Variants in PPP6R2 observed in about 807,000 individuals in gnomAD.
PPP6R2 encodes the protein protein phosphatase 6 regulatory subunit 2.
A neutral mutation model predicts 100.2 loss-of-function variants in PPP6R2; 62 were observed. The ratio of observed to expected loss-of-function variants is 0.62; its 90% CI spans 0.50 to 0.76. The LOEUF (loss-of-function observed/expected upper bound fraction) is 0.76, where lower values mean the gene tolerates loss of function less well. Among genes scored for constraint, PPP6R2 ranks in the 30% least tolerant of loss-of-function variants. The pLI is 0.00. For synonymous variants in PPP6R2, 525 were observed against 514.7 expected (o/e 1.02, Z -0.27); for missense variants, 1,142 against 1,276.3 (o/e 0.89, Z 1.60).
chr22:50,438,351 A>T (rs1317835660), intron 18 of PPP6R2, 53 bp downstream of exon 18: 1 of 1,579,112 alleles, frequency 6.3e-7, no homozygotes, highest in South Asian at 1.2e-5. Context: ...TTCAGCCCCC[A>T]GAACACCTGT....
chr22:50,394,872 C>T (rs1273641178), intron 3 of PPP6R2, among the ~76,000 whole-genome samples: 1 of 145,722 alleles, frequency 6.9e-6, no homozygotes, highest in East Asian at 2.0e-4. Context: ...TGAGATCACA[C>T]CACTGCACTG....
chr22:50,385,828 T>TC (rs2054131305), intron 2 of PPP6R2, among the ~76,000 whole-genome samples: 1 of 126,770 alleles, frequency 7.9e-6, no homozygotes, highest in Non-Finnish European at 1.7e-5. Flanking sequence ...TTTTTTTTTT[T>TC]TTTTTTTTTT....
Position 50,373,243 on chromosome 22 carries a change from T to TC in PPP6R2, c.-17+1093_-17+1094insC, listed in dbSNP as rs1245956959. ...TTAGAATAAATATAATTTCTTTCTT[T>TC]TTTTTTTTTTTTTTTTGAGACAGAG... On this transcript the variant is annotated intron_variant, in intron 2 of 23. Coordinates refer to ENST00000612753, the MANE Select transcript of PPP6R2 (RefSeq NM_001242898.2). Among the ~76,000 whole-genome samples, 383 of 146,788 alleles carry TC rather than the reference T, an allele frequency of 2.6e-3. 2 individuals are homozygous for TC. The highest frequency in any genetic ancestry group is 0.018 in the Middle Eastern group (5 of 284).
chr22:50,351,939 G>C (rs757360284), intron 1 of PPP6R2, among the ~76,000 whole-genome samples: 17 of 152,252 alleles, frequency 1.1e-4, no homozygotes, highest in South Asian at 8.3e-4. Context: ...GACTACAGGT[G>C]CACACCACCA....
At chr22:50,396,971 G>T (rs936296926) in intron 3 of PPP6R2, among the ~76,000 whole-genome samples, 2 of 152,186 alleles carry the variant, frequency 1.3e-5, no homozygotes, top group African/African-American at 4.8e-5. Flanking sequence ...ATGTGGCCCA[G>T]TCTGGTGACA....
At chr22:50,360,133 A>T (rs1337473505) in intron 1 of PPP6R2, among the ~76,000 whole-genome samples, 1 of 150,998 alleles carries the variant, frequency 6.6e-6, no homozygotes, top group African/African-American at 2.4e-5. Flanking sequence ...GCTCACTGCA[A>T]CCTCCATCTC....
upstream of PPP6R2, among the ~76,000 whole-genome samples, chr22:50,339,194 T>G (rs1241397468): frequency 6.2e-5 from 9 of 146,086 alleles, no homozygotes; most frequent in Non-Finnish European, 6.0e-5. Flanking sequence ...GTATGTAGTG[T>G]GTGTTGTATG....
chr22:50,436,329 G>T, intron 13 of PPP6R2, 38 bp from the exon 14 acceptor site: 1 of 1,544,574 alleles, frequency 6.5e-7, no homozygotes, highest in Non-Finnish European at 8.8e-7. Flanking sequence ...ATCTGCACGG[G>T]GTCTCCCAGG....
intron 2 of PPP6R2, chr22:50,393,611 G>C (rs888478520): frequency 4.6e-5 from 44 of 958,678 alleles, no homozygotes; most frequent in Non-Finnish European, 2.5e-6. Flanking sequence ...TGGAGCTGGG[G>C]GTGCAGCCTC....
chr22:50,370,779 G>A (rs1010043162), intron 1 of PPP6R2, among the ~76,000 whole-genome samples: 3 of 151,582 alleles, frequency 2.0e-5, no homozygotes, highest in East Asian at 1.9e-4. Context: ...GATTACAGGC[G>A]CCTGCCATTG....
chr22:50,364,541 TTAAAAA>T (rs1405270907), intron 1 of PPP6R2, among the ~76,000 whole-genome samples: 3 of 152,258 alleles, frequency 2.0e-5, no homozygotes, highest in Non-Finnish European at 2.9e-5. Context: ...AATTTCATAA[TTAAAAA>T]TAAAAATATT....
At chr22:50,382,279 T>C (rs1475677197) in intron 2 of PPP6R2, among the ~76,000 whole-genome samples, 2 of 152,054 alleles carry the variant, frequency 1.3e-5, no homozygotes, top group East Asian at 3.9e-4. Context: ...AGCTTTAAAG[T>C]CAATAATCTT....
the PPP6R2 span, among the ~76,000 whole-genome samples, chr22:50,332,773 A>G: frequency 0.46 from 69,066 of 150,906 alleles, 16,902 homozygotes; most frequent in African/African-American, 0.64. Flanking sequence ...ACAGGCACGC[A>G]CCACCACGCC....
intron 1 of PPP6R2, among the ~76,000 whole-genome samples, chr22:50,348,297 C>T (rs2044222795): frequency 6.6e-6 from 1 of 152,050 alleles, no homozygotes; most frequent in African/African-American, 2.4e-5. Context: ...ACGTGGACAG[C>T]AGGTGGGGGT....
rs183489995 is a variant in PPP6R2, at chr22:50,377,021, C to T, written c.-17+4871C>T. The stretch of plus-strand genomic sequence containing the variant: ...CAGCCTGGGCAACAGAGCGAGACTC[C>T]GTCTCAAAAAAATAAAAAATAAAAA... On this transcript the variant is annotated intron_variant, in intron 2 of 23. Transcript: ENST00000612753. Among the ~76,000 whole-genome samples the T allele has an allele frequency of 8.0e-5, 12 of 150,472 alleles. No individual in the cohort carries two copies. The East Asian group carries it at 1.4e-3, about 17-fold the overall frequency.
chr22:50,418,569 G>A (rs2060867623), intron 6 of PPP6R2, among the ~76,000 whole-genome samples: 1 of 152,040 alleles, frequency 6.6e-6, no homozygotes, highest in African/African-American at 2.4e-5. Context: ...TGTATTTTTA[G>A]TAGAGATGGG....
chr22:50,356,024 G>T (rs2046481089), intron 1 of PPP6R2, among the ~76,000 whole-genome samples: 3 of 148,938 alleles, frequency 2.0e-5, no homozygotes, highest in Non-Finnish European at 4.4e-5. Context: ...GTGCAGTGGC[G>T]CGATCTCGGC....
chr22:50,410,833 C>G (rs1413732499), intron 4 of PPP6R2, among the ~76,000 whole-genome samples: 1 of 148,730 alleles, frequency 6.7e-6, no homozygotes, highest in African/African-American at 2.5e-5. Context: ...CCTTTTGTCT[C>G]CCAGGCTGGA....
intron 1 of PPP6R2, among the ~76,000 whole-genome samples, chr22:50,357,621 G>T (rs2046887956): frequency 6.6e-6 from 1 of 150,604 alleles, no homozygotes; most frequent in South Asian, 2.1e-4. Flanking sequence ...CAGCCTCCCT[G>T]GCTAATTTTT....
Sources: gnomAD v4.1 joint callset for allele counts (sites outside exome capture counted in the v4.1 genomes callset) on GRCh38, gnomAD v4.1.1 for gene constraint, MANE v1.5 for transcripts, NCBI Gene and HGNC (gene_info 2026-07-23, HGNC 2026-07-21) for gene names.